ARFGAP3: variants seen among roughly 807,000 people sequenced by gnomAD.
The protein encoded by ARFGAP3 is ADP-ribosylation factor GTPase-activating protein 3.
Under a neutral mutation model 75.0 loss-of-function variants are expected in ARFGAP3, and 72 were observed. The ratio of observed to expected loss-of-function variants is 0.96; its 90% CI spans 0.79 to 1.17. ARFGAP3 has a LOEUF of 1.17. ARFGAP3 is among the 50% of genes most tolerant of loss of function. The pLI is 0.00. For synonymous variants in ARFGAP3, 221 were observed against 217.9 expected, an observed-to-expected ratio of 1.01 and a Z score of -0.13; for missense variants, 620 against 626.6, an observed-to-expected ratio of 0.99 and a Z score of 0.11.
intron 13 of ARFGAP3, chr22:42,807,369 G>C (rs1204257615): frequency 1.7e-6 from 1 of 580,296 alleles, no homozygotes; most frequent in Non-Finnish European, 2.2e-6. Flanking sequence ...CAGGCAGACT[G>C]ATCAACATAC....
intron 3 of ARFGAP3, among the ~76,000 whole-genome samples, chr22:42,838,735 G>A (rs1365569437): frequency 6.6e-6 from 1 of 152,144 alleles, no homozygotes; most frequent in African/African-American, 2.4e-5. Flanking sequence ...AGATTTGGCT[G>A]GCTAGATTTG....
rs553116261 is a variant in ARFGAP3 at position 42,799,267 on chromosome 22, C to T, written c.1412-107G>A. 1.3e-5 allele frequency: 20 copies of T among 1,533,130 alleles called. No individual in the cohort carries two copies. The South Asian group carries it at 1.7e-4, about 13-fold the overall frequency. The allele number at this position is 1,533,130 out of a possible 1,614,324, so 95.0% of individuals were successfully genotyped here. On this transcript the variant is annotated intron_variant, in intron 14 of 15. Coordinates refer to ENST00000263245, the MANE Select transcript of ARFGAP3 (RefSeq NM_014570.5). ...TCCAGAGAACCCGGATCTCTCCCCT[C>T]CTGCTGCCTCACAAGGGGCCCAACA... is the stretch of plus-strand genomic sequence containing the variant.
chr22:42,804,981 A>C (rs1385981428), intron 14 of ARFGAP3, among the ~76,000 whole-genome samples: 1 of 152,238 alleles, frequency 6.6e-6, no homozygotes, highest in Non-Finnish European at 1.5e-5. Flanking sequence ...ATAAAAAGTA[A>C]ATATTTAATA....
At chr22:42,844,899 T>C (rs1397506665) in intron 2 of ARFGAP3, among the ~76,000 whole-genome samples, 4 of 152,224 alleles carry the variant, frequency 2.6e-5, no homozygotes, top group Non-Finnish European at 5.9e-5. Context: ...CATACAGTTC[T>C]ATTTATCTGA....
chr22:42,839,927 T>C (rs1331109569), intron 3 of ARFGAP3, among the ~76,000 whole-genome samples: 1 of 152,134 alleles, frequency 6.6e-6, no homozygotes, highest in Non-Finnish European at 1.5e-5. Context: ...ATTATTTTGA[T>C]AATCTATCAA....
rs1490966208 is a variant in ARFGAP3, at chr22:42,810,886, A to G, written c.1123T>C (p.Ser375Pro). The stretch of plus-strand genomic sequence containing the variant: ...GTCTCTTTTTTCCAATAGGAATCTG[A>G]ACTGTCATCCCAGCTAGAGAAAGAA... ...SSSFSSWDDSSDSYWKKETSK... is the reference protein window; with the variant it reads ...SSSFSSWDDSPDSYWKKETSK... The change falls in exon 12 of 16, where the codon TCA becomes CCA. Residue 375 changes from serine to proline, a missense_variant. By Grantham distance (74) the Ser-to-Pro change is moderately conservative (BLOSUM62 -1). Transcript: ENST00000263245. 1 of 1,614,218 alleles carries G rather than the reference A, an allele frequency of 6.2e-7. No homozygotes were observed. Among genetic ancestry groups the G allele is most frequent in the South Asian group, 1.1e-5 (1 of 91,086 alleles).
At chr22:42,803,429 G>T (rs1269498863) in intron 14 of ARFGAP3, among the ~76,000 whole-genome samples, 1 of 152,232 alleles carries the variant, frequency 6.6e-6, no homozygotes, top group East Asian at 1.9e-4. Flanking sequence ...CAAGGAAGGG[G>T]TGCAGGTGTC....
At chr22:42,851,911 C>T (rs567014198) in intron 1 of ARFGAP3, among the ~76,000 whole-genome samples, 4 of 152,288 alleles carry the variant, frequency 2.6e-5, no homozygotes, top group East Asian at 1.9e-4. Context: ...TTCCTAACAA[C>T]GCTTTCATTA....
intron 14 of ARFGAP3, among the ~76,000 whole-genome samples, chr22:42,806,354 C>T (rs546732252): frequency 1.7e-4 from 26 of 152,342 alleles, no homozygotes; most frequent in Non-Finnish European, 2.8e-4. Flanking sequence ...GCAGAGGGGC[C>T]GGCGCTCTGA....
At chr22:42,847,757 T>A in intron 1 of ARFGAP3, 125 bp from the exon 2 acceptor site, 18 of 1,143,474 alleles carry the variant, frequency 1.6e-5, no homozygotes, top group Non-Finnish European at 2.0e-5. Context: ...GGGATTGTAT[T>A]ATTAGAAAAT....
At chr22:42,807,044 G>C in intron 14 of ARFGAP3, 29 bp downstream of exon 14, 2 of 1,579,312 alleles carry the variant, frequency 1.3e-6, no homozygotes, top group Non-Finnish European at 1.7e-6. Context: ...AGACATGACA[G>C]AGACCAGCTC....
Position 42,857,146 on chromosome 22 carries a change from A to G in ARFGAP3, c.37T>C (p.Phe13Leu). 6.6e-7 allele frequency: 1 copy of G among 1,514,452 alleles called. No individual in the cohort carries two copies. Among genetic ancestry groups the G allele is most frequent in the African/African-American group, 1.4e-5 (1 of 69,594 alleles). The allele number at this position is 1,514,452 out of a possible 1,614,324, so 93.8% of individuals were successfully genotyped here. ...GTGGGCACCGAGCGGAGGCGCTTGA[A>G]GATGGTCAAGATGTCCTGCTTGCTG... ...DPSKQDILTIFKRLRSVPTNK... is the reference protein window; with the variant it reads ...DPSKQDILTILKRLRSVPTNK... Residue 13 changes from phenylalanine to leucine, a missense_variant, in exon 1 of 16, where the codon TTC (phenylalanine) becomes CTC (leucine). Phe to Leu is a conservative substitution (Grantham distance 22, BLOSUM62 0). Coordinates refer to ENST00000263245, the MANE Select transcript of ARFGAP3 (RefSeq NM_014570.5).
chr22:42,826,421 C>T (rs573945466), intron 7 of ARFGAP3, among the ~76,000 whole-genome samples: 17 of 151,718 alleles, frequency 1.1e-4, no homozygotes, highest in African/African-American at 3.1e-4. Flanking sequence ...ACTCTGTCAC[C>T]CAGGGCAGAG....
At chr22:42,833,107 T>A (rs374011878) in intron 5 of ARFGAP3, among the ~76,000 whole-genome samples, 2 of 152,176 alleles carry the variant, frequency 1.3e-5, no homozygotes, top group African/African-American at 4.8e-5. Flanking sequence ...AGAAGTACTA[T>A]GGATTGCTGT....
intron 14 of ARFGAP3, among the ~76,000 whole-genome samples, chr22:42,803,035 G>T (rs987062028): frequency 6.6e-6 from 1 of 152,210 alleles, no homozygotes; most frequent in Admixed American, 6.5e-5. Context: ...TCCCTCTGTT[G>T]CCCGGGCTGG....
chr22:42,841,257 C>A, intron 2 of ARFGAP3: 1 of 225,306 alleles, frequency 4.4e-6, no homozygotes, highest in Non-Finnish European at 7.4e-6. Flanking sequence ...CAAGTGTCAG[C>A]GGGCTGCTGG....
intron 1 of ARFGAP3, among the ~76,000 whole-genome samples, chr22:42,852,225 T>C (rs964106609): frequency 3.5e-5 from 3 of 86,260 alleles, no homozygotes; most frequent in African/African-American, 2.4e-4. Context: ...TGGCTAATTT[T>C]AATTTTTTTT....
intron 14 of ARFGAP3, among the ~76,000 whole-genome samples, chr22:42,805,279 A>G (rs1239597737): frequency 6.6e-6 from 1 of 152,226 alleles, no homozygotes; most frequent in Non-Finnish European, 1.5e-5. Context: ...TTTGTTCAGT[A>G]ACTGGAAAGG....
intron 14 of ARFGAP3, among the ~76,000 whole-genome samples, chr22:42,804,274 G>A (rs930986001): frequency 2.0e-5 from 3 of 151,466 alleles, no homozygotes; most frequent in Non-Finnish European, 1.5e-5. Flanking sequence ...GTAATGGTGC[G>A]ATCTCGGCCA....
Sources: gnomAD v4.1 joint callset for allele counts (sites outside exome capture counted in the v4.1 genomes callset) on GRCh38, gnomAD v4.1.1 for gene constraint, MANE v1.5 for transcripts, NCBI Gene and HGNC (gene_info 2026-07-23, HGNC 2026-07-21) for gene names.